Variants in AFG2A observed in about 807,000 individuals in gnomAD.
AFG2A encodes ATPase family gene 2 protein homolog A.
chr4:123,046,171 TA>T, the AFG2A span, among the ~76,000 whole-genome samples: 13 of 152,304 alleles, frequency 8.5e-5, no homozygotes, highest in Non-Finnish European at 1.6e-4. Context: ...ATTTCGTTTT[TA>T]TGGGATCATA....
chr4:123,055,541 G>A, the AFG2A span, among the ~76,000 whole-genome samples: 6 of 152,174 alleles, frequency 3.9e-5, no homozygotes, highest in African/African-American at 1.4e-4. Context: ...TTGTGTTTCA[G>A]TCAGTCAGAT....
the AFG2A span, among the ~76,000 whole-genome samples, chr4:123,224,725 C>T: frequency 6.6e-6 from 1 of 152,094 alleles, no homozygotes; most frequent in Non-Finnish European, 1.5e-5. Context: ...GGTATATACC[C>T]AGTAATGGGA....
the AFG2A span, among the ~76,000 whole-genome samples, chr4:123,122,789 T>G: frequency 2.6e-5 from 4 of 151,966 alleles, no homozygotes; most frequent in South Asian, 4.1e-4. Context: ...TTGTTTTTTT[T>G]TTTTGACAGC....
chr4:123,019,905 G>A, the AFG2A span, among the ~76,000 whole-genome samples: 12 of 152,080 alleles, frequency 7.9e-5, no homozygotes, highest in African/African-American at 2.4e-4. Flanking sequence ...AAGAATAAAC[G>A]AATTACAGTT....
the AFG2A span, among the ~76,000 whole-genome samples, chr4:123,026,992 C>T: frequency 7.9e-5 from 12 of 152,162 alleles, no homozygotes; most frequent in African/African-American, 2.9e-4. Flanking sequence ...TGTTTCACCA[C>T]CCCTCTCCAA....
At chr4:123,297,781 G>T in the AFG2A span, among the ~76,000 whole-genome samples, 2 of 151,898 alleles carry the variant, frequency 1.3e-5, no homozygotes, top group East Asian at 3.9e-4. Context: ...ATTGCAGCAC[G>T]CTGAACACCG....
At chr4:123,258,236 C>T in the AFG2A span, among the ~76,000 whole-genome samples, 5 of 152,236 alleles carry the variant, frequency 3.3e-5, no homozygotes, top group East Asian at 9.6e-4. Context: ...GGTTTGTTCC[C>T]TGTTGAGGGT....
chr4:122,975,997 G>A, the AFG2A span, among the ~76,000 whole-genome samples: 1 of 152,070 alleles, frequency 6.6e-6, no homozygotes, highest in Non-Finnish European at 1.5e-5. Flanking sequence ...CTGTTTTGTG[G>A]AGTTTTGTAT....
At chr4:123,134,791 C>G in the AFG2A span, among the ~76,000 whole-genome samples, 1 of 151,898 alleles carries the variant, frequency 6.6e-6, no homozygotes, top group African/African-American at 2.4e-5. Context: ...AGTGGAAAGC[C>G]CAGAACCACA....
At chr4:122,939,461 G>C in the AFG2A span, among the ~76,000 whole-genome samples, 2 of 152,068 alleles carry the variant, frequency 1.3e-5, no homozygotes, top group Non-Finnish European at 2.9e-5. Flanking sequence ...GAATAGGCAT[G>C]AACAAAAATT....
the AFG2A span, among the ~76,000 whole-genome samples, chr4:123,237,588 G>A: frequency 1.8e-4 from 27 of 146,486 alleles, no homozygotes; most frequent in Admixed American, 7.7e-4. Flanking sequence ...CATGAGAATC[G>A]CTTGAACCTA....
chr4:123,183,937 C>T, the AFG2A span, among the ~76,000 whole-genome samples: 10 of 133,344 alleles, frequency 7.5e-5, no homozygotes, highest in South Asian at 6.7e-4. Context: ...CTTATTTATT[C>T]ATTCATTCAT....
chr4:123,263,178 T>A, the AFG2A span, among the ~76,000 whole-genome samples: 2 of 152,326 alleles, frequency 1.3e-5, no homozygotes, highest in South Asian at 4.1e-4. Flanking sequence ...ATTGAAAGAT[T>A]TGTGGCATTT....
At chr4:123,123,218 A>C in the AFG2A span, among the ~76,000 whole-genome samples, 1 of 152,198 alleles carries the variant, frequency 6.6e-6, no homozygotes, top group Non-Finnish European at 1.5e-5. Flanking sequence ...TCAAATAGTG[A>C]TTAAATTCTT....
At chr4:122,947,534 C>T in the AFG2A span, 45 of 1,418,684 alleles carry the variant, frequency 3.2e-5, no homozygotes, top group Non-Finnish European at 4.2e-5. Context: ...GCACTTATCT[C>T]CAGTTTACTT....
the AFG2A span, among the ~76,000 whole-genome samples, chr4:123,165,285 A>G: frequency 6.6e-6 from 1 of 152,194 alleles, no homozygotes; most frequent in Non-Finnish European, 1.5e-5. Flanking sequence ...AAATGTTCTA[A>G]TACTACATTA....
chr4:123,197,997 G>A, the AFG2A span, among the ~76,000 whole-genome samples: 19 of 151,586 alleles, frequency 1.3e-4, no homozygotes, highest in East Asian at 2.0e-4. Flanking sequence ...CGAGCCGGGC[G>A]TGATGGCTTA....
At chr4:123,069,092 C>T in the AFG2A span, among the ~76,000 whole-genome samples, 1 of 152,102 alleles carries the variant, frequency 6.6e-6, no homozygotes. Flanking sequence ...GCCAAGTATA[C>T]AGAAATGATA....
At chr4:123,139,643 A>G in the AFG2A span, among the ~76,000 whole-genome samples, 1 of 152,084 alleles carries the variant, frequency 6.6e-6, no homozygotes, top group Admixed American at 6.5e-5. Flanking sequence ...TATTAGATTG[A>G]TAAAGCAATA....
Sources: gnomAD v4.1 joint callset for allele counts (sites outside exome capture counted in the v4.1 genomes callset) on GRCh38, gnomAD v4.1.1 for gene constraint, MANE v1.5 for transcripts, NCBI Gene and HGNC (gene_info 2026-07-23, HGNC 2026-07-21) for gene names.